The following SORCS1 variants were observed in gnomAD, a reference collection of about 807,000 sequenced individuals.
SORCS1 encodes VPS10 domain-containing receptor SorCS1.
Under a neutral mutation model 146.1 loss-of-function variants are expected in SORCS1, and 60 were observed. The ratio of observed to expected loss-of-function variants is 0.41; its 90% CI spans 0.33 to 0.51. The LOEUF (loss-of-function observed/expected upper bound fraction) is 0.51, where lower values mean the gene tolerates loss of function less well. SORCS1 is among the 20% of genes least tolerant of loss of function. SORCS1 has a pLI of 0.21. For missense variants in SORCS1, 1,352 were observed against 1,487.6 expected (o/e 0.91, Z 1.50); for synonymous variants, 637 against 584.0 (o/e 1.09, Z -1.31).
intron 1 of SORCS1, among the ~76,000 whole-genome samples, chr10:107,146,247 A>C (rs1322865122): frequency 1.3e-5 from 2 of 152,222 alleles, no homozygotes. Context: ...GATAAGGAGA[A>C]TCCTAAGCGT....
At chr10:106,997,860 C>G (rs940894968) in intron 1 of SORCS1, among the ~76,000 whole-genome samples, 1 of 152,172 alleles carries the variant, frequency 6.6e-6, no homozygotes. Context: ...CCTTCTCCAC[C>G]ACCTCCCAGT....
intron 3 of SORCS1, among the ~76,000 whole-genome samples, chr10:106,811,715 G>T (rs1947469332): frequency 6.6e-6 from 1 of 152,132 alleles, no homozygotes; most frequent in African/African-American, 2.4e-5. Flanking sequence ...GCTATAAATG[G>T]CTAAGAAACA....
chr10:106,777,494 T>C (rs1402193937), intron 3 of SORCS1, among the ~76,000 whole-genome samples: 2 of 152,178 alleles, frequency 1.3e-5, no homozygotes, highest in African/African-American at 4.8e-5. Flanking sequence ...CTCTGAGATA[T>C]GGATGGAAGC....
intron 1 of SORCS1, among the ~76,000 whole-genome samples, chr10:107,044,470 A>C (rs1959208457): frequency 6.6e-6 from 1 of 151,030 alleles, no homozygotes; most frequent in South Asian, 2.1e-4. Flanking sequence ...CAAATAAATA[A>C]GAAATAGGTC....
At chr10:106,676,024 G>A (rs983306632) in intron 13 of SORCS1, among the ~76,000 whole-genome samples, 3 of 152,126 alleles carry the variant, frequency 2.0e-5, no homozygotes. Context: ...CCCAGTTTAT[G>A]GTATTTTGTT....
At chr10:106,824,272 C>G (rs1342477997) in intron 3 of SORCS1, among the ~76,000 whole-genome samples, 2 of 135,728 alleles carry the variant, frequency 1.5e-5, no homozygotes, top group African/African-American at 5.6e-5. Context: ...CCAGCCTAGG[C>G]AACAGAGCAA....
chr10:106,703,860 G>C (rs1854313072), intron 8 of SORCS1, among the ~76,000 whole-genome samples: 1 of 152,120 alleles, frequency 6.6e-6, no homozygotes, highest in Non-Finnish European at 1.5e-5. Flanking sequence ...CATCCACCCG[G>C]ACTAAATAAT....
At chr10:107,149,536 C>A (rs1266797797) in intron 1 of SORCS1, among the ~76,000 whole-genome samples, 1 of 152,134 alleles carries the variant, frequency 6.6e-6, no homozygotes, top group Non-Finnish European at 1.5e-5. Flanking sequence ...ATAAAAAAAT[C>A]CCATCACCAT....
chr10:107,020,389 C>T (rs1958077642), intron 1 of SORCS1, among the ~76,000 whole-genome samples: 1 of 152,134 alleles, frequency 6.6e-6, no homozygotes, highest in African/African-American at 2.4e-5. Flanking sequence ...CTCTTCAGCC[C>T]TTGGGGAAGG....
chr10:107,018,339 T>A (rs1957985304), intron 1 of SORCS1, among the ~76,000 whole-genome samples: 1 of 152,026 alleles, frequency 6.6e-6, no homozygotes, highest in Non-Finnish European at 1.5e-5. Flanking sequence ...CACGCCTGGC[T>A]AATTTTTTTA....
chr10:107,146,030 G>A (rs990911841), intron 1 of SORCS1, among the ~76,000 whole-genome samples: 3 of 152,146 alleles, frequency 2.0e-5, no homozygotes, highest in African/African-American at 7.2e-5. Context: ...TCACAGGGAA[G>A]TAGCTCCACA....
intron 3 of SORCS1, among the ~76,000 whole-genome samples, chr10:106,801,943 G>C (rs1445892117): frequency 6.6e-6 from 1 of 152,196 alleles, no homozygotes; most frequent in African/African-American, 2.4e-5. Flanking sequence ...AGTTAGTTTA[G>C]CTCTAGTGTC....
At position 106,607,211 on chromosome 10, in the gene SORCS1, C is replaced by A. The variant is rs41291860; in HGVS notation, c.3120G>T (p.Gln1040His). The change falls in exon 23 of 26, where the codon CAG (glutamine) becomes CAT (histidine). Residue 1040 changes from glutamine (Q) to histidine (H), a missense_variant. This residue lies in a region of SORCS1 where 214 missense variants were observed against 204.8 expected (regional missense o/e 1.05). Transcript: ENST00000263054. ...TTAELFVLPYQDPAGENKRST... is the reference protein window; with the variant it reads ...TTAELFVLPYHDPAGENKRST... ...ACCTTTTGTTTTCTCCAGCTGGATCCTGATAGGGTAGGACAAAGAGTTCAG... is the reference window on the plus strand; with the variant it reads ...ACCTTTTGTTTTCTCCAGCTGGATCATGATAGGGTAGGACAAAGAGTTCAG... 1 of 1,614,084 alleles carries A rather than the reference C, an allele frequency of 6.2e-7. No homozygotes were observed. Among genetic ancestry groups the A allele is most frequent in the Non-Finnish European group, 8.5e-7 (1 of 1,179,972 alleles).
At chr10:106,832,274 C>T (rs1455196769) in intron 2 of SORCS1, among the ~76,000 whole-genome samples, 4 of 151,598 alleles carry the variant, frequency 2.6e-5, no homozygotes, top group Middle Eastern at 3.4e-3. Flanking sequence ...CCGCAACTTC[C>T]GCCTTCTGGG....
At chr10:106,864,123 C>T (rs1950138064) in intron 2 of SORCS1, among the ~76,000 whole-genome samples, 1 of 152,174 alleles carries the variant, frequency 6.6e-6, no homozygotes, top group Non-Finnish European at 1.5e-5. Context: ...AGTTGGCTCA[C>T]TAGAAACAGG....
At chr10:107,172,895 C>T in the SORCS1 span, among the ~76,000 whole-genome samples, 1 of 152,168 alleles carries the variant, frequency 6.6e-6, no homozygotes, top group African/African-American at 2.4e-5. Context: ...TAAAGAGAAC[C>T]CTGCCCGGTA....
chr10:106,989,267 C>T (rs377500891), intron 1 of SORCS1, among the ~76,000 whole-genome samples: 1 of 87,826 alleles, frequency 1.1e-5, no homozygotes, highest in Non-Finnish European at 2.3e-5. Flanking sequence ...AAGGCTCCAC[C>T]TCAGAAAAAA....
intron 2 of SORCS1, among the ~76,000 whole-genome samples, chr10:106,838,189 T>C (rs560734873): frequency 1.3e-5 from 2 of 152,328 alleles, no homozygotes; most frequent in East Asian, 3.9e-4. Flanking sequence ...TAGCCCCTGC[T>C]GTTAGAAGAT....
At chr10:107,074,707 G>C (rs1962734842) in intron 1 of SORCS1, among the ~76,000 whole-genome samples, 1 of 152,020 alleles carries the variant, frequency 6.6e-6, no homozygotes, top group African/African-American at 2.4e-5. Context: ...GTCAACTTTT[G>C]GTGTTTTCAG....
Sources: allele counts gnomAD v4.1 joint callset (sites outside exome capture counted in the v4.1 genomes callset), GRCh38; gene constraint gnomAD v4.1.1; regional missense constraint gnomAD v4.1.1; transcripts MANE v1.5; gene names NCBI Gene and HGNC (gene_info 2026-07-23, HGNC 2026-07-21).